The following MECOM variants were observed in gnomAD, a reference collection of about 807,000 sequenced individuals.
MECOM encodes histone-lysine N-methyltransferase MECOM.
Under a neutral mutation model 116.3 loss-of-function variants are expected in MECOM, and 13 were observed. That is an observed-to-expected ratio of 0.11 (90% CI 0.07 to 0.18). The LOEUF (loss-of-function observed/expected upper bound fraction) is 0.18. Ranked by LOEUF, MECOM falls within the 10% of genes least tolerant of loss-of-function variation. MECOM has a pLI of 1.00. For missense variants in MECOM, 1,299 were observed against 1,509.0 expected (o/e 0.86, Z 2.31); for synonymous variants, 528 against 535.2 (o/e 0.99, Z 0.19).
At chr3:169,179,565 ACAAAGT>A (rs941015431) in intron 2 of MECOM, among the ~76,000 whole-genome samples, 2 of 152,314 alleles carry the variant, frequency 1.3e-5, no homozygotes, top group East Asian at 3.9e-4. Flanking sequence ...TAAAATCAAC[ACAAAGT>A]CAACAATTAA....
intron 2 of MECOM, among the ~76,000 whole-genome samples, chr3:169,341,217 T>C (rs1724441416): frequency 6.6e-6 from 1 of 152,012 alleles, no homozygotes; most frequent in African/African-American, 2.4e-5. Flanking sequence ...AAAATTATGC[T>C]AAAAAATGTA....
chr3:169,532,079 C>T (rs1483947618), intron 1 of MECOM, among the ~76,000 whole-genome samples: 8 of 152,186 alleles, frequency 5.3e-5, no homozygotes, highest in Non-Finnish European at 1.0e-4. Context: ...ACAAGCCTAG[C>T]TTGGAAATCA....
chr3:169,177,006 A>T (rs1361485468), intron 2 of MECOM, among the ~76,000 whole-genome samples: 1 of 152,206 alleles, frequency 6.6e-6, no homozygotes, highest in East Asian at 1.9e-4. Context: ...AAACGCTTTT[A>T]CACTGTTGGT....
intron 1 of MECOM, among the ~76,000 whole-genome samples, chr3:169,393,998 C>G (rs1001171376): frequency 1.3e-5 from 2 of 152,074 alleles, no homozygotes; most frequent in African/African-American, 4.8e-5. Flanking sequence ...ATAATTCTAT[C>G]AAAAGCACAT....
intron 1 of MECOM, among the ~76,000 whole-genome samples, chr3:169,441,701 T>A (rs183301227): frequency 5.9e-5 from 9 of 151,826 alleles, no homozygotes; most frequent in African/African-American, 1.7e-4. Context: ...ATGCTTTTTT[T>A]AGCTATGTTA....
chr3:169,462,723 G>A (rs1747661001), intron 1 of MECOM, among the ~76,000 whole-genome samples: 3 of 152,140 alleles, frequency 2.0e-5, no homozygotes, highest in Non-Finnish European at 4.4e-5. Context: ...AACTCAACAA[G>A]TAACTCTGTT....
intron 2 of MECOM, among the ~76,000 whole-genome samples, chr3:169,191,588 GAAGA>G (rs954157363): frequency 1.1e-4 from 16 of 150,434 alleles, no homozygotes; most frequent in African/African-American, 3.2e-4. Flanking sequence ...GAAAGAAGTG[GAAGA>G]AAGAAAGAAC....
At position 169,121,171 on chromosome 3, in the gene MECOM, G is replaced by A; in HGVS notation, c.1017C>T (p.Arg339=). 4 of 1,612,926 alleles carry A rather than the reference G, an allele frequency of 2.5e-6. No homozygotes were observed. The highest frequency in any genetic ancestry group is 2.2e-5 in the East Asian group (1 of 44,870). Residue 339 remains arginine, a synonymous_variant, in exon 7 of 17, where the codon CGC becomes CGT. Coordinates refer to ENST00000651503, the MANE Select transcript of MECOM (RefSeq NM_004991.4). ...TDPSNLQRHI[R]SQHVGARAHA... The stretch of plus-strand genomic sequence containing the variant: ...GGGCCCGGGCACCGACATGCTGAGA[G>A]CGAATGTGCCGCTGAAGGTTGCTAG...
chr3:169,634,583 C>A (rs999881309), intron 1 of MECOM, among the ~76,000 whole-genome samples: 3 of 152,140 alleles, frequency 2.0e-5, no homozygotes, highest in African/African-American at 7.2e-5. Flanking sequence ...TTCTCTCTCT[C>A]AAACATCAAT....
At chr3:169,592,794 C>T (rs755971523) in intron 1 of MECOM, among the ~76,000 whole-genome samples, 2 of 151,986 alleles carry the variant, frequency 1.3e-5, no homozygotes, top group Non-Finnish European at 2.9e-5. Context: ...CAGCATTTTC[C>T]ACAATTACAT....
At chr3:169,160,257 C>T (rs1370437103) in intron 2 of MECOM, among the ~76,000 whole-genome samples, 3 of 150,872 alleles carry the variant, frequency 2.0e-5, no homozygotes, top group East Asian at 1.9e-4. Flanking sequence ...AATTGCAATC[C>T]GAATGGGGAA....
At position 169,416,232 on chromosome 3, in the gene MECOM, C is replaced by T. The variant is rs1738565340; in HGVS notation, c.38-34708G>A. 3.3e-5 allele frequency among the ~76,000 whole-genome samples: 5 copies of T among 152,110 alleles called. No homozygotes were observed. In the South Asian group the frequency reaches 1.0e-3, roughly 32 times the overall value. ...CAGGATTAAGAAACTCACTCAAAAT[C>T]ACAAAACTAAATGGAAACTGAACAA... is the stretch of plus-strand genomic sequence containing the variant. On this transcript the variant is annotated intron_variant, in intron 1 of 16. Transcript: ENST00000651503.
chr3:169,163,825 G>A (rs1192037776), intron 2 of MECOM, among the ~76,000 whole-genome samples: 53 of 151,962 alleles, frequency 3.5e-4, no homozygotes. Flanking sequence ...TGACTGACAG[G>A]GACTCTTAGG....
In MECOM at chr3:169,267,787, T is replaced by G. The variant is rs555925301; in HGVS notation, c.375+113400A>C. 7.1e-4 allele frequency among the ~76,000 whole-genome samples: 108 copies of G among 152,090 alleles called. 1 individual carries two copies. The highest frequency in any genetic ancestry group is 1.0e-3 in the Non-Finnish European group (69 of 68,024). On this transcript the variant is annotated intron_variant, in intron 2 of 16. Coordinates refer to ENST00000651503, the MANE Select transcript of MECOM (RefSeq NM_004991.4). ...ATTTTTTTTTTCAGAGTCCAACAGT[T>G]GCTTTCCATTTACCAGGGGTTGGAG...
At chr3:169,535,672 T>C (rs529398661) in intron 1 of MECOM, among the ~76,000 whole-genome samples, 2 of 152,338 alleles carry the variant, frequency 1.3e-5, no homozygotes, top group African/African-American at 4.8e-5. Flanking sequence ...CCTTTATTTA[T>C]AGCCTATCCC....
rs371034523 is a variant in MECOM, at chr3:169,222,042, G to A, written c.376-78210C>T. On this transcript the variant is annotated intron_variant, in intron 2 of 16. Coordinates refer to ENST00000651503, the MANE Select transcript of MECOM (RefSeq NM_004991.4). Reference sequence around the variant, plus strand: ...TTAATTACTTAAAATTATCATTTCCGTAGATCACTAGCTATGTTTCAAGTG... The same window carrying A: ...TTAATTACTTAAAATTATCATTTCCATAGATCACTAGCTATGTTTCAAGTG... Among the ~76,000 whole-genome samples the A allele has an allele frequency of 1.8e-3, 270 of 152,084 alleles. 5 individuals carry two copies. In the South Asian group the frequency reaches 0.037, roughly 21 times the overall value.
intron 1 of MECOM, among the ~76,000 whole-genome samples, chr3:169,648,888 T>C (rs1448088874): frequency 6.6e-6 from 1 of 152,202 alleles, no homozygotes; most frequent in Non-Finnish European, 1.5e-5. Context: ...ATCTTTGCTC[T>C]CAGACAGTGG....
chr3:169,566,408 TC>T (rs1194050094), intron 1 of MECOM, among the ~76,000 whole-genome samples: 2 of 152,172 alleles, frequency 1.3e-5, no homozygotes, highest in East Asian at 3.8e-4. Context: ...AAGGAAGCAC[TC>T]TTTCAAGTGC....
intron 2 of MECOM, among the ~76,000 whole-genome samples, chr3:169,194,937 A>G (rs1468000920): frequency 1.3e-5 from 2 of 152,196 alleles, no homozygotes; most frequent in East Asian, 1.9e-4. Flanking sequence ...ACAGTAGTCT[A>G]CAAGAGAGAT....
Sources: allele counts gnomAD v4.1 joint callset (sites outside exome capture counted in the v4.1 genomes callset), GRCh38; gene constraint gnomAD v4.1.1; transcripts MANE v1.5; gene names NCBI Gene and HGNC (gene_info 2026-07-23, HGNC 2026-07-21).